Variants in DGLUCY observed in about 807,000 individuals in gnomAD.
DGLUCY encodes the protein D-glutamate cyclase, mitochondrial.
Under a neutral mutation model 58.5 loss-of-function variants are expected in DGLUCY, and 58 were observed. That is an observed-to-expected ratio of 0.99 (90% CI 0.80 to 1.23). DGLUCY has a LOEUF of 1.23. Among genes scored for constraint, DGLUCY ranks in the 50% most tolerant of loss-of-function variants. The pLI, the probability that DGLUCY is intolerant of heterozygous loss-of-function variation, is 0.00. For missense variants in DGLUCY, 779 were observed against 784.7 expected, an observed-to-expected ratio of 0.99 and a Z score of 0.09; for synonymous variants, 325 against 314.1, an observed-to-expected ratio of 1.03 and a Z score of -0.37.
At chr14:91,084,685 T>C (rs2044182781) in intron 1 of DGLUCY, among the ~76,000 whole-genome samples, 1 of 152,158 alleles carries the variant, frequency 6.6e-6, no homozygotes, top group African/African-American at 2.4e-5. Flanking sequence ...ATCCTTAGCT[T>C]TGGTCTGCTC....
At chr14:91,080,853 C>A (rs2044111537) in intron 1 of DGLUCY, among the ~76,000 whole-genome samples, 1 of 152,114 alleles carries the variant, frequency 6.6e-6, no homozygotes, top group African/African-American at 2.4e-5. Context: ...AACATCCAGT[C>A]CTTTGAGAAA....
At chr14:91,083,347 C>T (rs2140050798) in intron 1 of DGLUCY, among the ~76,000 whole-genome samples, 1 of 152,160 alleles carries the variant, frequency 6.6e-6, no homozygotes, top group South Asian at 2.1e-4. Flanking sequence ...CATGGTGAAA[C>T]ACCATTTATA....
At chr14:91,091,878 A>G (rs753662987) in intron 1 of DGLUCY, among the ~76,000 whole-genome samples, 9 of 151,686 alleles carry the variant, frequency 5.9e-5, no homozygotes, top group Non-Finnish European at 1.2e-4. Flanking sequence ...CCTTCCTTCA[A>G]CTCTCCTCTG....
chr14:91,126,586 G>A (rs183102670), intron 1 of DGLUCY: 66 of 183,306 alleles, frequency 3.6e-4, no homozygotes, highest in African/African-American at 1.5e-3. Flanking sequence ...GACCAGGTGC[G>A]GTGGCTCAGG....
In DGLUCY at chr14:91,074,160, C is replaced by CACACACACACACACACACACAT. The variant is rs1453975330; in HGVS notation, c.-82+13457_-82+13458insCACACACACACACACACACATA. On this transcript the variant is annotated intron_variant, in intron 1 of 4. Coordinates refer to the DGLUCY transcript ENST00000521334. ...ACACACACACACACACACACACACACAGTCAAGCACCTGTATTCCCAGCTA... is the reference window on the plus strand; with the variant it reads ...ACACACACACACACACACACACACACACACACACACACACACACACATAGTCAAGCACCTGTATTCCCAGCTA... 2.6e-3 allele frequency among the ~76,000 whole-genome samples: 347 copies of CACACACACACACACACACACAT among 135,960 alleles called. 20 individuals are homozygous for CACACACACACACACACACACAT. The highest frequency in any genetic ancestry group is 9.8e-3 in the East Asian group (44 of 4,468). 89.2% of individuals were successfully genotyped at this position (135,960 alleles called of 152,430 possible).
In DGLUCY at chr14:91,091,888, G is replaced by T. The variant is rs376835440; in HGVS notation, c.-82+31184G>T. Among the ~76,000 whole-genome samples, 13 of 152,212 alleles carry T rather than the reference G, an allele frequency of 8.5e-5. No homozygotes were observed. In the South Asian group the frequency reaches 2.7e-3, roughly 32 times the overall value. ...CACGGCCTTCCTTCAACTCTCCTCT[G>T]CTCTAAAACATCAGTGGCTTTTGAC... On this transcript the variant is annotated intron_variant, in intron 1 of 4. Transcript: ENST00000521334.
intron 1 of DGLUCY, among the ~76,000 whole-genome samples, chr14:91,063,959 TG>T (rs1309243444): frequency 6.6e-6 from 1 of 152,098 alleles, no homozygotes; most frequent in Non-Finnish European, 1.5e-5. Flanking sequence ...CACTGTAATC[TG>T]GGCAAAAGAT....
intron 1 of DGLUCY, among the ~76,000 whole-genome samples, chr14:91,079,392 G>A (rs894736647): frequency 9.2e-5 from 13 of 140,754 alleles, no homozygotes; most frequent in African/African-American, 3.2e-4. Context: ...GTCTTGCTCT[G>A]TCGCCAGGCT....
chr14:91,166,802 T>A (rs2048308083), intron 3 of DGLUCY, among the ~76,000 whole-genome samples: 1 of 151,666 alleles, frequency 6.6e-6, no homozygotes. Context: ...CTTGCCACTT[T>A]AAAAAAATCA....
At position 91,144,429 on chromosome 14, in the gene DGLUCY, G is replaced by A. The variant is rs551973897; in HGVS notation, c.-81-13210G>A. ...ACAGAAATTAGCTGGGCATGGTGGA[G>A]GGTGCCTGTAGTCCCAGCTACTAAG... is the stretch of plus-strand genomic sequence containing the variant. On this transcript the variant is annotated intron_variant, in intron 1 of 13. Transcript: ENST00000256324. Among the ~76,000 whole-genome samples, 4 of 152,228 alleles carry A rather than the reference G, an allele frequency of 2.6e-5. No individual in the cohort carries two copies. The East Asian group carries it at 7.7e-4, about 29-fold the overall frequency.
intron 1 of DGLUCY, among the ~76,000 whole-genome samples, chr14:91,068,777 G>A (rs76399068): frequency 7.9e-5 from 12 of 152,134 alleles, no homozygotes; most frequent in African/African-American, 2.4e-4. Flanking sequence ...CATAGAAAAG[G>A]TCCCATTTTT....
chr14:91,096,819 C>T (rs1198612805), intron 1 of DGLUCY, among the ~76,000 whole-genome samples: 1 of 152,180 alleles, frequency 6.6e-6, no homozygotes, highest in East Asian at 1.9e-4. Flanking sequence ...AACAAGTTGG[C>T]CCACTGAGAG....
At chr14:91,179,707 C>T (rs2049051490) in intron 7 of DGLUCY, among the ~76,000 whole-genome samples, 1 of 150,972 alleles carries the variant, frequency 6.6e-6, no homozygotes, top group South Asian at 2.1e-4. Context: ...GCCGAGATCG[C>T]ACCACTGCAC....
intron 1 of DGLUCY, among the ~76,000 whole-genome samples, chr14:91,115,872 G>A (rs934970181): frequency 2.1e-5 from 3 of 144,908 alleles, no homozygotes; most frequent in African/African-American, 4.9e-5. Flanking sequence ...TCCGCAGCTC[G>A]GCTGGCGCTG....
intron 1 of DGLUCY, among the ~76,000 whole-genome samples, chr14:91,079,405 A>T (rs1326808580): frequency 1.4e-5 from 2 of 145,078 alleles, no homozygotes; most frequent in Non-Finnish European, 3.0e-5. Flanking sequence ...GCCAGGCTGG[A>T]GTGCCGTGGT....
chr14:91,063,402 T>C (rs2043765653), intron 1 of DGLUCY, among the ~76,000 whole-genome samples: 1 of 152,194 alleles, frequency 6.6e-6, no homozygotes, highest in African/African-American at 2.4e-5. Flanking sequence ...CACACTCTTC[T>C]CTTTCAACTG....
intron 4 of DGLUCY, 111 bp downstream of exon 4, chr14:91,167,489 C>T (rs529587701): frequency 2.1e-6 from 3 of 1,396,002 alleles, no homozygotes; most frequent in South Asian, 2.3e-5. Flanking sequence ...CTTCACAGTG[C>T]CTGGCACAGA....
chr14:91,117,676 C>G (rs2045065431), intron 1 of DGLUCY, among the ~76,000 whole-genome samples: 1 of 149,434 alleles, frequency 6.7e-6, no homozygotes, highest in African/African-American at 2.4e-5. Context: ...CACACACACA[C>G]ACACACACAC....
intron 1 of DGLUCY, among the ~76,000 whole-genome samples, chr14:91,100,029 T>G (rs1433582573): frequency 7.8e-6 from 1 of 128,976 alleles, no homozygotes; most frequent in Non-Finnish European, 1.6e-5. Flanking sequence ...CACTCCAGCC[T>G]GGGCAACAAG....
Sources: allele counts gnomAD v4.1 joint callset (sites outside exome capture counted in the v4.1 genomes callset), GRCh38; gene constraint gnomAD v4.1.1; transcripts MANE v1.5; gene names NCBI Gene and HGNC (gene_info 2026-07-23, HGNC 2026-07-21).